Variants in GABRG3 observed in about 807,000 individuals in gnomAD.
GABRG3 encodes gamma-aminobutyric acid type A receptor subunit gamma3, also known as gamma-aminobutyric acid receptor subunit gamma-3.
Under a neutral mutation model 48.8 loss-of-function variants are expected in GABRG3, and 25 were observed. The observed-to-expected ratio is 0.51, with a 90% confidence interval of 0.37 to 0.72. GABRG3 has a LOEUF of 0.72. Ranked by LOEUF, GABRG3 falls within the 30% of genes least tolerant of loss-of-function variation. The probability of loss-of-function intolerance (pLI) is 0.00; values close to 1 mark genes in which losing one functional copy is unlikely to be tolerated. For missense variants in GABRG3, 394 were observed against 577.9 expected (o/e 0.68, Z 3.26); for synonymous variants, 227 against 217.6 (o/e 1.04, Z -0.38).
intron 5 of GABRG3, chr15:27,419,102 T>G (rs1272297211): frequency 6.6e-6 from 1 of 152,266 alleles, no homozygotes; most frequent in Non-Finnish European, 1.5e-5. Flanking sequence ...ACTGCCACAT[T>G]GGTACGATAG....
chr15:27,011,645 A>G (rs1413847538), intron 2 of GABRG3, among the ~76,000 whole-genome samples: 3 of 152,052 alleles, frequency 2.0e-5, no homozygotes, highest in Non-Finnish European at 4.4e-5. Context: ...CAGGAGATCG[A>G]GACCATCCTG....
chr15:27,034,384 T>C (rs930787776), intron 3 of GABRG3, among the ~76,000 whole-genome samples: 13 of 152,222 alleles, frequency 8.5e-5, no homozygotes, highest in African/African-American at 2.9e-4. Context: ...TTATTTGTTT[T>C]GTTTTATTTA....
intron 2 of GABRG3, among the ~76,000 whole-genome samples, chr15:26,985,881 G>A (rs984162062): frequency 6.6e-6 from 1 of 152,194 alleles, no homozygotes; most frequent in African/African-American, 2.4e-5. Flanking sequence ...GAGACACAAT[G>A]TTTTAATCCA....
At chr15:27,263,592 A>G (rs1275525545) in intron 3 of GABRG3, among the ~76,000 whole-genome samples, 1 of 152,154 alleles carries the variant, frequency 6.6e-6, no homozygotes, top group Non-Finnish European at 1.5e-5. Flanking sequence ...TCTGTGGGAA[A>G]ATTTTTAAAC....
chr15:27,297,275 A>G lies in GABRG3; in HGVS notation c.271-29534A>G, dbSNP rs187721211. Among the ~76,000 whole-genome samples, 381 of 152,250 alleles carry G rather than the reference A, an allele frequency of 2.5e-3. 3 individuals carry two copies. Among genetic ancestry groups the G allele is most frequent in the Middle Eastern group, 0.017 (5 of 294 alleles). ...AAGGTTAATTATTGAATAAATAAAA[A>G]TATATTTTATACATTTAGTGTAGCC... On this transcript the variant is annotated intron_variant, in intron 3 of 9. Coordinates refer to ENST00000615808, the MANE Select transcript of GABRG3 (RefSeq NM_033223.5).
At chr15:27,426,460 G>A (rs1043566560) in intron 5 of GABRG3, among the ~76,000 whole-genome samples, 2 of 152,124 alleles carry the variant, frequency 1.3e-5, no homozygotes, top group African/African-American at 4.8e-5. Flanking sequence ...CTCTAACTCA[G>A]CCAAAGCCAT....
chr15:27,429,164 A>T (rs1338729916), intron 5 of GABRG3, among the ~76,000 whole-genome samples: 1 of 152,236 alleles, frequency 6.6e-6, no homozygotes, highest in Non-Finnish European at 1.5e-5. Flanking sequence ...ATAGTTTCAA[A>T]ACACAACTGT....
intron 5 of GABRG3, among the ~76,000 whole-genome samples, chr15:27,444,556 G>A (rs1323887170): frequency 6.6e-6 from 1 of 151,958 alleles, no homozygotes; most frequent in Non-Finnish European, 1.5e-5. Context: ...GTATATTGTT[G>A]ATTTTCAGGA....
chr15:27,505,675 T>C (rs1471497201), intron 6 of GABRG3, among the ~76,000 whole-genome samples: 1 of 152,202 alleles, frequency 6.6e-6, no homozygotes, highest in East Asian at 1.9e-4. Context: ...CAATTTGCTA[T>C]TATTCTGTTG....
At position 27,537,575 on chromosome 15, in the gene GABRG3, G is replaced by A. The variant is rs1372014399; in HGVS notation, c.*4694G>A. On this transcript the variant is annotated 3_prime_UTR_variant, in exon 10 of 10. Transcript: ENST00000615808. ...TAAAAATAGATCTCTATCATTATAG[G>A]GATAAAACGTGTATGTTTTGAGATG... 3 of 152,024 alleles carry A rather than the reference G, an allele frequency of 2.0e-5. No homozygotes were observed. Among genetic ancestry groups the A allele is most frequent in the African/African-American group, 7.2e-5 (3 of 41,390 alleles). 9.4% of individuals were successfully genotyped at this position (152,024 alleles called of 1,614,324 possible). A position where few individuals can be genotyped will look rare whatever the true frequency, so the allele number is the denominator to read the frequency against.
At chr15:27,377,815 A>G (rs541204112) in intron 5 of GABRG3, among the ~76,000 whole-genome samples, 49 of 152,288 alleles carry the variant, frequency 3.2e-4, no homozygotes, top group South Asian at 8.3e-4. Context: ...TAAAGCTTGT[A>G]TATATGGAGT....
In GABRG3 at chr15:27,539,395, A is replaced by C. The variant is rs942036444; in HGVS notation, c.*6514A>C. On this transcript the variant is annotated 3_prime_UTR_variant, in exon 10 of 10. Transcript: ENST00000615808. The stretch of plus-strand genomic sequence containing the variant: ...ACATGTGCCTGTGCCCACCCACAGC[A>C]CTTCCTTGGAACTCTAAGCTGCTTC... The C allele has an allele frequency of 1.3e-5, 2 of 152,140 alleles. No individual in the cohort carries two copies. Among genetic ancestry groups the C allele is most frequent in the African/African-American group, 4.8e-5 (2 of 41,422 alleles). 9.4% of individuals were successfully genotyped at this position (152,140 alleles called of 1,614,324 possible).
At chr15:27,044,360 A>G (rs563416764) in intron 3 of GABRG3, among the ~76,000 whole-genome samples, 9 of 152,088 alleles carry the variant, frequency 5.9e-5, no homozygotes, top group African/African-American at 2.2e-4. Context: ...CACGGTTTTG[A>G]TATTTTTAGG....
rs752215751 is a variant in GABRG3, at chr15:27,307,668, T to C, written c.271-19141T>C. ...ACATAGGTTTATAGGTTTATATATT[T>C]ATATATAAACATAGGTTTATGTTTA... On this transcript the variant is annotated intron_variant, in intron 3 of 9. Coordinates refer to ENST00000615808, the MANE Select transcript of GABRG3 (RefSeq NM_033223.5). 1.4e-4 allele frequency among the ~76,000 whole-genome samples: 18 copies of C among 130,086 alleles called. 1 individual carries two copies. The highest frequency in any genetic ancestry group is 2.9e-4 in the Non-Finnish European group (18 of 62,520). The allele number at this position is 130,086 out of a possible 152,430, so 85.3% of individuals were successfully genotyped here. A position where few individuals can be genotyped will look rare whatever the true frequency, so the allele number is the denominator to read the frequency against.
intron 3 of GABRG3, among the ~76,000 whole-genome samples, chr15:27,195,583 G>C (rs1417346538): frequency 6.6e-6 from 1 of 152,020 alleles, no homozygotes; most frequent in Non-Finnish European, 1.5e-5. Context: ...GCCCGCCTTG[G>C]CCTCCCAAAT....
intron 5 of GABRG3, among the ~76,000 whole-genome samples, chr15:27,422,632 A>G (rs560358533): frequency 6.6e-6 from 1 of 152,336 alleles, no homozygotes; most frequent in East Asian, 1.9e-4. Context: ...TAAGGACACT[A>G]AACACTCATC....
At chr15:27,306,830 AATATAAACATGTTTAT>A (rs1458604058) in intron 3 of GABRG3, among the ~76,000 whole-genome samples, 1 of 89,780 alleles carries the variant, frequency 1.1e-5, no homozygotes, top group Non-Finnish European at 2.0e-5. Flanking sequence ...ATAAACATAC[AATATAAACATGTTTAT>A]ATATAAACAT....
rs1889951458 is a variant in GABRG3, at chr15:27,236,057, G to C, written c.271-90752G>C. On this transcript the variant is annotated intron_variant, in intron 3 of 9. Coordinates refer to ENST00000615808, the MANE Select transcript of GABRG3 (RefSeq NM_033223.5). The surrounding 1 kb of genome is among the most constrained non-coding windows in gnomAD (Gnocchi z 4.4). ...TGCTCAAAATAATCCTTATATGAGAGAGACATATTTTGGGGTAGCATATTC... is the reference window on the plus strand; with the variant it reads ...TGCTCAAAATAATCCTTATATGAGACAGACATATTTTGGGGTAGCATATTC... 1.3e-5 allele frequency among the ~76,000 whole-genome samples: 2 copies of C among 152,192 alleles called. No individual in the cohort carries two copies. The highest frequency in any genetic ancestry group is 4.8e-5 in the African/African-American group (2 of 41,444).
At chr15:27,262,889 C>T (rs1890808645) in intron 3 of GABRG3, among the ~76,000 whole-genome samples, 1 of 152,188 alleles carries the variant, frequency 6.6e-6, no homozygotes, top group African/African-American at 2.4e-5. Flanking sequence ...CTCTTTCTTT[C>T]TTCACCATGC....
Sources: gnomAD v4.1 joint callset for allele counts (sites outside exome capture counted in the v4.1 genomes callset) on GRCh38, gnomAD v4.1.1 for gene constraint, Gnocchi (gnomAD v3.1) non-coding constraint, MANE v1.5 for transcripts, NCBI Gene and HGNC (gene_info 2026-07-23, HGNC 2026-07-21) for gene names.